Variants in IPO9 observed in about 807,000 individuals in gnomAD.
The protein encoded by IPO9 is importin 9.
A neutral mutation model predicts 128.6 loss-of-function variants in IPO9; 28 were observed. That is an observed-to-expected ratio of 0.22 (90% CI 0.16 to 0.30). IPO9 has a LOEUF of 0.30. Ranked by LOEUF, IPO9 falls within the 10% of genes least tolerant of loss-of-function variation. The pLI, the probability that IPO9 is intolerant of heterozygous loss-of-function variation, is 1.00. For missense variants in IPO9, 935 were observed against 1,293.9 expected, an observed-to-expected ratio of 0.72 and a Z score of 4.26; for synonymous variants, 455 against 475.8, an observed-to-expected ratio of 0.96 and a Z score of 0.57.
chr1:201,865,820 G>A (rs1038246381), intron 14 of IPO9, among the ~76,000 whole-genome samples: 2 of 152,074 alleles, frequency 1.3e-5, no homozygotes, highest in Non-Finnish European at 2.9e-5. Context: ...GACCAGACAC[G>A]GTGGCTCACA....
intron 14 of IPO9, among the ~76,000 whole-genome samples, chr1:201,865,631 C>CA (rs1680538837): frequency 6.6e-6 from 1 of 152,172 alleles, no homozygotes; most frequent in Non-Finnish European, 1.5e-5. Context: ...TGTATCATTG[C>CA]AAACTCCCTT....
At chr1:201,850,621 T>C (rs189876675) in intron 4 of IPO9, 99 of 152,316 alleles carry the variant, frequency 6.5e-4, no homozygotes, top group Admixed American at 1.4e-3. Flanking sequence ...CAGAAAACTT[T>C]TGGAATTAAA....
intron 19 of IPO9, among the ~76,000 whole-genome samples, chr1:201,871,756 G>A (rs1288598264): frequency 1.3e-5 from 2 of 152,026 alleles, no homozygotes; most frequent in Admixed American, 6.5e-5. Context: ...ATGGCTCTCT[G>A]TATTCCCTTT....
intron 10 of IPO9, 92 bp downstream of exon 10, chr1:201,856,026 T>C: frequency 1.1e-6 from 1 of 911,456 alleles, no homozygotes; most frequent in Non-Finnish European, 1.6e-6. Flanking sequence ...ACTTTATTTC[T>C]AAAAATAGAC....
At chr1:201,853,994 C>T (rs570982867) in intron 6 of IPO9, among the ~76,000 whole-genome samples, 47 of 152,310 alleles carry the variant, frequency 3.1e-4, no homozygotes, top group Admixed American at 2.6e-4. Flanking sequence ...CCTCGGCCTC[C>T]CAAAGTGCTG....
At chr1:201,860,122 C>T (rs189647612) in intron 13 of IPO9, among the ~76,000 whole-genome samples, 39 of 152,328 alleles carry the variant, frequency 2.6e-4, no homozygotes, top group African/African-American at 9.1e-4. Context: ...AAAACACTGC[C>T]TTTGCTTTCT....
At chr1:201,836,839 T>A (rs1679951000) in intron 1 of IPO9, among the ~76,000 whole-genome samples, 1 of 152,180 alleles carries the variant, frequency 6.6e-6, no homozygotes, top group Admixed American at 6.5e-5. Flanking sequence ...GGACATGTGG[T>A]CATAATTTTT....
chr1:201,868,543 C>CAA, intron 15 of IPO9, 105 bp from the exon 16 acceptor site: 1 of 1,239,694 alleles, frequency 8.1e-7, no homozygotes, highest in Non-Finnish European at 1.1e-6. Flanking sequence ...GTAATCAATG[C>CAA]AGAAGTTGTT....
chr1:201,840,182 T>A (rs1243392647), intron 1 of IPO9, among the ~76,000 whole-genome samples: 1 of 152,156 alleles, frequency 6.6e-6, no homozygotes, highest in Non-Finnish European at 1.5e-5. Context: ...CTCAACCTCC[T>A]GGGCTCAGGT....
At chr1:201,842,750 A>T (rs1334531758) in intron 1 of IPO9, among the ~76,000 whole-genome samples, 1 of 152,234 alleles carries the variant, frequency 6.6e-6, no homozygotes. Context: ...AATAATTAAT[A>T]GTCTAGTTCA....
rs1330300430 is a variant in IPO9, at chr1:201,866,769, C to T, written c.1665C>T (p.His555=). Residue 555 remains histidine (H), a synonymous_variant, in exon 15 of 24, where the codon CAC becomes CAT. Transcript: ENST00000361565. ...CDQLKVSEST[H]VLQPFLPSIL... ...AACTGAAAGTCTCAGAGAGTACCCA[C>T]GTGCTCCAGCCCTTCCTCCCCAGCA... 5 of 1,614,078 alleles carry T rather than the reference C, an allele frequency of 3.1e-6. No homozygotes were observed. Among genetic ancestry groups the T allele is most frequent in the East Asian group, 2.2e-5 (1 of 44,886 alleles).
At chr1:201,848,344 A>G (rs1281836178) in intron 3 of IPO9, 49 bp from the exon 4 acceptor site, 3 of 1,508,178 alleles carry the variant, frequency 2.0e-6, no homozygotes, top group East Asian at 4.5e-5. Context: ...GGGCTCTGCC[A>G]GTCACTTTTA....
At chr1:201,867,673 C>T (rs1680578417) in intron 15 of IPO9, among the ~76,000 whole-genome samples, 1 of 151,018 alleles carries the variant, frequency 6.6e-6, no homozygotes. Flanking sequence ...TTCATTATTA[C>T]TTTTCTGCAT....
chr1:201,881,690 T>C lies in IPO9; in HGVS notation c.*5636T>C, dbSNP rs1350181565. ...ACTAAACAGGGAAGTGATCAGGTTTTGTGTCTTAGAAAAGTGTTGCAGTGT... is the reference window on the plus strand; with the variant it reads ...ACTAAACAGGGAAGTGATCAGGTTTCGTGTCTTAGAAAAGTGTTGCAGTGT... On this transcript the variant is annotated 3_prime_UTR_variant, in exon 24 of 24. Coordinates refer to ENST00000361565, the MANE Select transcript of IPO9 (RefSeq NM_018085.5). The C allele has an allele frequency of 6.6e-6, 1 of 152,194 alleles. No individual in the cohort carries two copies. Among genetic ancestry groups the C allele is most frequent in the East Asian group, 1.9e-4 (1 of 5,200 alleles). 9.4% of individuals were successfully genotyped at this position (152,194 alleles called of 1,614,324 possible). A position where few individuals can be genotyped will look rare whatever the true frequency, so the allele number is the denominator to read the frequency against.
rs761479898 is a variant in IPO9 at position 201,871,334 on chromosome 1, C to T, written c.2576+7C>T. ...AGTATGAAGGCAAAGTCAGGTAGAA[C>T]CTCATCTTTCTTTTCTGGGCATTCT... is the stretch of plus-strand genomic sequence containing the variant. On this transcript the variant is annotated splice_region_variant and intron_variant, in intron 19 of 23. Coordinates refer to ENST00000361565, the MANE Select transcript of IPO9 (RefSeq NM_018085.5). 1 of 1,503,932 alleles carries T rather than the reference C, an allele frequency of 6.6e-7. No homozygotes were observed. The highest frequency in any genetic ancestry group is 1.2e-5 in the South Asian group (1 of 83,834). The allele number at this position is 1,503,932 out of a possible 1,614,324, so 93.2% of individuals were successfully genotyped here.
rs1185976530 is a variant in IPO9, at chr1:201,880,881, T to A, written c.*4827T>A. The A allele has an allele frequency of 6.6e-6, 1 of 152,366 alleles. No individual in the cohort carries two copies. Among genetic ancestry groups the A allele is most frequent in the Non-Finnish European group, 1.5e-5 (1 of 68,044 alleles). The allele number at this position is 152,366 out of a possible 1,614,324, so 9.4% of individuals were successfully genotyped here. A position where few individuals can be genotyped will look rare whatever the true frequency, so the allele number is the denominator to read the frequency against. ...ATTACATGAGACATTCAACACTTTA[T>A]TATAAAATAGGCTTTGTGTTAGATG... On this transcript the variant is annotated 3_prime_UTR_variant, in exon 24 of 24. Coordinates refer to ENST00000361565, the MANE Select transcript of IPO9 (RefSeq NM_018085.5).
In IPO9 at chr1:201,883,186, A is replaced by G. The variant is rs1680921996; in HGVS notation, c.*7132A>G. The stretch of plus-strand genomic sequence containing the variant: ...TTCACTAGATTCCCCCCCCCCCAAC[A>G]ACTTAGTCCAAGAACATACCTGAAT... On this transcript the variant is annotated 3_prime_UTR_variant, in exon 24 of 24. Transcript: ENST00000361565. The G allele has an allele frequency of 7.5e-6, 1 of 132,696 alleles. No homozygotes were observed. The highest frequency in any genetic ancestry group is 1.6e-5 in the Non-Finnish European group (1 of 61,536). The allele number at this position is 132,696 out of a possible 1,614,324, so 8.2% of individuals were successfully genotyped here.
At chr1:201,849,366 T>A (rs1680177185) in intron 4 of IPO9, among the ~76,000 whole-genome samples, 1 of 152,246 alleles carries the variant, frequency 6.6e-6, no homozygotes, top group African/African-American at 2.4e-5. Flanking sequence ...TCCTCCCTGC[T>A]TCTTATTCCC....
rs188493669 is a variant in IPO9 at position 201,873,815 on chromosome 1, G to A, written c.2711-435G>A. ...CCAGCTTCCAGCTTCATTCAGAAGC[G>A]TGGGCACAGATAGTCAGCATGTCTT... On this transcript the variant is annotated intron_variant, in intron 20 of 23. Transcript: ENST00000361565. Among the ~76,000 whole-genome samples the A allele has an allele frequency of 3.3e-5, 5 of 152,274 alleles. No individual in the cohort carries two copies. The East Asian group carries it at 7.7e-4, about 23-fold the overall frequency.
Sources: allele counts gnomAD v4.1 joint callset (sites outside exome capture counted in the v4.1 genomes callset), GRCh38; gene constraint gnomAD v4.1.1; transcripts MANE v1.5; gene names NCBI Gene and HGNC (gene_info 2026-07-23, HGNC 2026-07-21).